Variants in ASTN2 observed in about 807,000 individuals in gnomAD.
ASTN2 encodes astrotactin 2.
ASTN2 carries 54 observed loss-of-function variants against 139.8 expected under a neutral mutation model. The ratio of observed to expected loss-of-function variants is 0.39; its 90% CI spans 0.31 to 0.48. The LOEUF (loss-of-function observed/expected upper bound fraction) is 0.48, where lower values mean the gene tolerates loss of function less well. ASTN2 is among the 20% of genes least tolerant of loss of function. The pLI, the probability that ASTN2 is intolerant of heterozygous loss-of-function variation, is 0.95. For missense variants in ASTN2, 1,565 were observed against 1,725.1 expected, an observed-to-expected ratio of 0.91 and a Z score of 1.64; for synonymous variants, 756 against 719.5, an observed-to-expected ratio of 1.05 and a Z score of -0.81.
rs117872743 is a variant in ASTN2 at position 116,480,324 on chromosome 9, T to C, written c.3497+7035A>G. Among the ~76,000 whole-genome samples, 422 of 152,230 alleles carry C rather than the reference T, an allele frequency of 2.8e-3. 12 individuals carry two copies. In the East Asian group the frequency reaches 0.073, roughly 26 times the overall value. On this transcript the variant is annotated intron_variant, in intron 20 of 22. Coordinates refer to ENST00000313400, the MANE Select transcript of ASTN2 (RefSeq NM_001365068.1). ...CAGTACTGGACCACAGCCTGGCACATAGTGGGTGTCTCCTGAATATTTGGT... is the reference window on the plus strand; with the variant it reads ...CAGTACTGGACCACAGCCTGGCACACAGTGGGTGTCTCCTGAATATTTGGT...
intron 16 of ASTN2, among the ~76,000 whole-genome samples, chr9:116,671,529 CTA>C (rs1402312958): frequency 2.0e-5 from 3 of 152,034 alleles, no homozygotes; most frequent in Non-Finnish European, 4.4e-5. Flanking sequence ...GGGAACAACT[CTA>C]AAATGGCCTT....
At chr9:116,887,768 G>A (rs140199931) in intron 10 of ASTN2, among the ~76,000 whole-genome samples, 3,559 of 152,076 alleles carry the variant, frequency 0.023, 135 homozygotes, top group African/African-American at 0.081. Context: ...CCTGGGCTCA[G>A]GTGATCCTCC....
intron 6 of ASTN2, among the ~76,000 whole-genome samples, chr9:117,015,758 A>G (rs186664285): frequency 6.6e-6 from 1 of 152,170 alleles, no homozygotes; most frequent in South Asian, 2.1e-4. Context: ...TTAATTTTAC[A>G]TGAAAGTACT....
intron 1 of ASTN2, among the ~76,000 whole-genome samples, chr9:117,298,020 C>A (rs186713206): frequency 6.6e-6 from 1 of 152,202 alleles, no homozygotes; most frequent in Non-Finnish European, 1.5e-5. Flanking sequence ...GTATCCCTAC[C>A]TTCGGGCTTC....
chr9:116,942,543 T>C (rs921214546), intron 10 of ASTN2, among the ~76,000 whole-genome samples: 1 of 152,174 alleles, frequency 6.6e-6, no homozygotes, highest in African/African-American at 2.4e-5. Flanking sequence ...ACTTGTATTT[T>C]AGGAATATGT....
intron 19 of ASTN2, among the ~76,000 whole-genome samples, chr9:116,598,933 A>T (rs1564143187): frequency 6.6e-6 from 1 of 152,256 alleles, no homozygotes; most frequent in Non-Finnish European, 1.5e-5. Flanking sequence ...GTCAGATAAA[A>T]TACCACTGTC....
At chr9:116,866,109 A>T (rs1833007576) in intron 10 of ASTN2, among the ~76,000 whole-genome samples, 1 of 152,202 alleles carries the variant, frequency 6.6e-6, no homozygotes, top group Non-Finnish European at 1.5e-5. Context: ...CTTAATTATC[A>T]GCTTCACAGT....
chr9:117,025,313 T>G (rs2132623023), intron 6 of ASTN2, among the ~76,000 whole-genome samples: 1 of 152,266 alleles, frequency 6.6e-6, no homozygotes, highest in East Asian at 1.9e-4. Flanking sequence ...ACTAGCTACT[T>G]GGCAATATGC....
chr9:117,340,082 A>G (rs1829017248), intron 1 of ASTN2, among the ~76,000 whole-genome samples: 2 of 151,834 alleles, frequency 1.3e-5, no homozygotes, highest in African/African-American at 4.8e-5. Context: ...CTCATCCCAC[A>G]CACACCTCTT....
chr9:116,617,990 T>C (rs1323771498), intron 19 of ASTN2, among the ~76,000 whole-genome samples: 1 of 152,164 alleles, frequency 6.6e-6, no homozygotes, highest in Admixed American at 6.5e-5. Context: ...AGAGATAATA[T>C]ATTTACAGAT....
rs551020728 is a variant in ASTN2, at chr9:117,086,096, C to G, written c.1276+9948G>C. On this transcript the variant is annotated intron_variant, in intron 5 of 22. Coordinates refer to ENST00000313400, the MANE Select transcript of ASTN2 (RefSeq NM_001365068.1). ...TAGAGATAATTCAATAAAACTAATA[C>G]AGTTTCTTCTGTTCTTTTCCTCTAT... is the stretch of plus-strand genomic sequence containing the variant. Among the ~76,000 whole-genome samples the G allele has an allele frequency of 3.9e-5, 6 of 152,284 alleles. No individual in the cohort carries two copies. The South Asian group carries it at 1.2e-3, about 32-fold the overall frequency.
At chr9:116,492,573 C>T (rs1393079258) in intron 19 of ASTN2, among the ~76,000 whole-genome samples, 2 of 152,066 alleles carry the variant, frequency 1.3e-5, no homozygotes, top group African/African-American at 2.4e-5. Context: ...CCTGGAGTCT[C>T]GGAGATAACT....
chr9:116,774,855 T>C (rs185662574), intron 13 of ASTN2, among the ~76,000 whole-genome samples: 6 of 152,308 alleles, frequency 3.9e-5, no homozygotes, highest in Admixed American at 3.9e-4. Flanking sequence ...GTACACCCTC[T>C]ACCCAGCCTC....
In ASTN2 at chr9:117,214,799, G is replaced by A. The variant is rs1279768743; in HGVS notation, c.631-57C>T. 1.1e-5 allele frequency: 15 copies of A among 1,412,180 alleles called. No individual in the cohort carries two copies. In the Admixed American group the frequency reaches 2.2e-4, roughly 21 times the overall value. The allele number at this position is 1,412,180 out of a possible 1,614,324, so 87.5% of individuals were successfully genotyped here. A position where few individuals can be genotyped will look rare whatever the true frequency, so the allele number is the denominator to read the frequency against. The stretch of plus-strand genomic sequence containing the variant: ...CCACTGTTCTTTGGAATCGAGGGCT[G>A]CAGGGGATTTTCCTGTCCACTACAC... On this transcript the variant is annotated intron_variant, in intron 2 of 22. Coordinates refer to ENST00000313400, the MANE Select transcript of ASTN2 (RefSeq NM_001365068.1).
intron 11 of ASTN2, among the ~76,000 whole-genome samples, chr9:116,843,646 C>T (rs1276905112): frequency 8.2e-6 from 1 of 121,400 alleles, no homozygotes; most frequent in Non-Finnish European, 1.7e-5. Context: ...GCAACATGAG[C>T]AAAACTCTGT....
At chr9:117,036,617 A>G (rs993846339) in intron 6 of ASTN2, among the ~76,000 whole-genome samples, 21 of 152,204 alleles carry the variant, frequency 1.4e-4, no homozygotes, top group African/African-American at 5.1e-4. Flanking sequence ...AGGGCCAGAT[A>G]CCAGGCAATC....
At chr9:117,003,431 C>T (rs1010322305) in intron 7 of ASTN2, among the ~76,000 whole-genome samples, 3 of 151,926 alleles carry the variant, frequency 2.0e-5, no homozygotes, top group Non-Finnish European at 4.4e-5. Context: ...GTGTGATCTT[C>T]GTCCTGTCCC....
chr9:117,157,917 T>C (rs1484013913), intron 3 of ASTN2, among the ~76,000 whole-genome samples: 3 of 151,976 alleles, frequency 2.0e-5, no homozygotes, highest in Middle Eastern at 3.2e-3. Flanking sequence ...ACTATAACTA[T>C]GGAACAAGGA....
chr9:116,702,749 A>T, intron 16 of ASTN2, among the ~76,000 whole-genome samples: 1 of 152,152 alleles, frequency 6.6e-6, no homozygotes, highest in Non-Finnish European at 1.5e-5. Context: ...AGGTTGGTTA[A>T]GCCCCTCCTC....
Sources: allele counts gnomAD v4.1 joint callset (sites outside exome capture counted in the v4.1 genomes callset), GRCh38; gene constraint gnomAD v4.1.1; transcripts MANE v1.5; gene names NCBI Gene and HGNC (gene_info 2026-07-23, HGNC 2026-07-21).